ABLIM1: variants seen among roughly 807,000 people sequenced by gnomAD.
ABLIM1 encodes the protein actin binding LIM protein 1.
A neutral mutation model predicts 107.0 loss-of-function variants in ABLIM1; 40 were observed. The observed-to-expected ratio is 0.37, with a 90% confidence interval of 0.29 to 0.49. ABLIM1 has a LOEUF of 0.49. ABLIM1 is among the 20% of genes least tolerant of loss of function. The pLI is 0.97. For missense variants in ABLIM1, 857 were observed against 1,008.5 expected (o/e 0.85, Z 2.04); for synonymous variants, 357 against 357.3 (o/e 1.00, Z 0.01).
At chr10:114,474,040 A>G in intron 8 of ABLIM1, 84 bp from the exon 9 acceptor site, 2 of 1,005,642 alleles carry the variant, frequency 2.0e-6, no homozygotes, top group Non-Finnish European at 3.0e-6. Flanking sequence ...TTTACTAAAA[A>G]CTCAGCTAGT....
chr10:114,549,595 CA>C (rs1420663304), intron 4 of ABLIM1, among the ~76,000 whole-genome samples: 4 of 151,854 alleles, frequency 2.6e-5, no homozygotes, highest in Admixed American at 2.6e-4. Context: ...CCTTGAGATC[CA>C]GTAATTATTT....
chr10:114,575,301 G>A, intron 3 of ABLIM1, 115 bp downstream of exon 3: 1 of 1,171,760 alleles, frequency 8.5e-7, no homozygotes, highest in Non-Finnish European at 1.2e-6. Flanking sequence ...AGAAATCTAA[G>A]GATAAGAGTA....
At chr10:114,582,015 G>C (rs1455813132) in intron 2 of ABLIM1, among the ~76,000 whole-genome samples, 2 of 152,070 alleles carry the variant, frequency 1.3e-5, no homozygotes, top group African/African-American at 4.8e-5. Flanking sequence ...GTCCTAGCCA[G>C]AGCAATTAGG....
In ABLIM1 at chr10:114,432,646, T is replaced by G. The variant is rs561944819; in HGVS notation, c.*3614A>C. ...TAGACGTCTCCGAGTTAGAGTTGAT[T>G]GATATACTGGATTGGGATGGAGAGG... On this transcript the variant is annotated 3_prime_UTR_variant, in exon 23 of 23. Transcript: ENST00000533213. The G allele has an allele frequency of 6.6e-6, 1 of 152,300 alleles. No homozygotes were observed. Among genetic ancestry groups the G allele is most frequent in the South Asian group, 2.1e-4 (1 of 4,828 alleles). 9.4% of individuals were successfully genotyped at this position (152,300 alleles called of 1,614,324 possible).
chr10:114,452,890 C>T (rs2062115330), intron 13 of ABLIM1, among the ~76,000 whole-genome samples: 1 of 152,158 alleles, frequency 6.6e-6, no homozygotes, highest in Non-Finnish European at 1.5e-5. Context: ...GCAGAAAGAC[C>T]AACCAATTCA....
intron 6 of ABLIM1, among the ~76,000 whole-genome samples, chr10:114,541,606 G>C (rs2066666481): frequency 6.6e-6 from 1 of 152,180 alleles, no homozygotes; most frequent in Non-Finnish European, 1.5e-5. Context: ...GCCCATCTAA[G>C]GACTACGTCT....
chr10:114,484,518 G>A (rs2057888651), intron 8 of ABLIM1, among the ~76,000 whole-genome samples: 2 of 152,160 alleles, frequency 1.3e-5, no homozygotes, highest in South Asian at 4.1e-4. Context: ...AAGTAGCTGG[G>A]ATTACAGGCG....
the ABLIM1 span, among the ~76,000 whole-genome samples, chr10:114,788,730 A>AAAAC: frequency 0.025 from 3,831 of 151,990 alleles, 80 homozygotes; most frequent in Middle Eastern, 0.048. Context: ...TCCGTCTCAA[A>AAAAC]AAACAAACAA....
rs200125349 is a variant in ABLIM1, at chr10:114,707,928, C to CAA, written c.-213+60131_-213+60132dup. Among the ~76,000 whole-genome samples the CAA allele has an allele frequency of 4.0e-5, 6 of 149,338 alleles. No individual in the cohort carries two copies. Among genetic ancestry groups the CAA allele is most frequent in the Non-Finnish European group, 7.4e-5 (5 of 67,848 alleles). On this transcript the variant is annotated intron_variant, in intron 1 of 15. Transcript: ENST00000651092. This position sits in a 1 kb window ranked among gnomAD's most constrained non-coding sequence, Gnocchi z 4.1. Reference sequence around the variant, plus strand: ...AAACAAACAAACAAACAAACAACAACAACAACAAAAAACCTAATTACCAAC... The same window carrying CAA: ...AAACAAACAAACAAACAAACAACAACAAAACAACAAAAAACCTAATTACCAAC...
intron 6 of ABLIM1, among the ~76,000 whole-genome samples, chr10:114,521,568 C>A (rs908553265): frequency 2.0e-5 from 3 of 152,132 alleles, no homozygotes; most frequent in Non-Finnish European, 2.9e-5. Flanking sequence ...TCCAAGGCTA[C>A]TGTCTTGGGG....
chr10:114,753,536 G>A (rs1280966070), intron 1 of ABLIM1, among the ~76,000 whole-genome samples: 1 of 152,198 alleles, frequency 6.6e-6, no homozygotes, highest in African/African-American at 2.4e-5. Flanking sequence ...CATGAGCAAT[G>A]TCTGTACATA....
At chr10:114,720,421 T>C (rs1232707510) in intron 1 of ABLIM1, among the ~76,000 whole-genome samples, 1 of 152,246 alleles carries the variant, frequency 6.6e-6, no homozygotes, top group Non-Finnish European at 1.5e-5. Context: ...ATGGTATTTC[T>C]GGTTCTAGGT....
At chr10:114,748,759 C>A (rs2082443139) in intron 1 of ABLIM1, among the ~76,000 whole-genome samples, 1 of 151,408 alleles carries the variant, frequency 6.6e-6, no homozygotes, top group South Asian at 2.1e-4. Context: ...TAGGCTCTAG[C>A]AACCCTCCTG....
At chr10:114,573,051 G>C (rs1319231657) in intron 3 of ABLIM1, among the ~76,000 whole-genome samples, 1 of 152,214 alleles carries the variant, frequency 6.6e-6, no homozygotes, top group Non-Finnish European at 1.5e-5. Context: ...CCAGAATCCA[G>C]TTCTCAACTT....
chr10:114,776,272 C>T, the ABLIM1 span: 1 of 151,782 alleles, frequency 6.6e-6, no homozygotes, highest in Non-Finnish European at 1.5e-5. Flanking sequence ...TGCAGCTGCC[C>T]TTACTGTTGT....
intron 8 of ABLIM1, among the ~76,000 whole-genome samples, chr10:114,483,568 T>A (rs1352943332): frequency 1.3e-5 from 2 of 152,218 alleles, no homozygotes; most frequent in Admixed American, 6.5e-5. Context: ...TGAGCCACCA[T>A]GTCCAGCCCA....
At chr10:114,703,888 C>CA (rs2081354160) in intron 1 of ABLIM1, among the ~76,000 whole-genome samples, 1 of 152,150 alleles carries the variant, frequency 6.6e-6, no homozygotes, top group African/African-American at 2.4e-5. Context: ...TCACGTTTCT[C>CA]ACTACACGTG....
chr10:114,697,383 G>T lies in ABLIM1; in HGVS notation c.-213+70678C>A, dbSNP rs551658077. Among the ~76,000 whole-genome samples, 9 of 152,370 alleles carry T rather than the reference G, an allele frequency of 5.9e-5. No individual in the cohort carries two copies. In the South Asian group the frequency reaches 1.9e-3, roughly 32 times the overall value. On this transcript the variant is annotated intron_variant, in intron 1 of 15. Coordinates refer to the ABLIM1 transcript ENST00000651092. The stretch of plus-strand genomic sequence containing the variant: ...GGCTTCTCCTGCCCTGGGGCAAGTG[G>T]TGATCAGCCCTCAGGAGCTGGCACG...
rs778681393 is a variant in ABLIM1 at position 114,658,105 on chromosome 10, C to T, written c.96G>A (p.Ser32=). ...TSSERTSARG[S]NRKRLIVEDR... ...CCTCAACAATCAGTCTCTTTCTGTT[C>T]GAGCCCCTGGCACTGGTTCTCTCAG... The change falls in exon 1 of 23, where the codon TCG becomes TCA. Residue 32 remains serine (S), a synonymous_variant. Transcript: ENST00000533213. The T allele has an allele frequency of 7.4e-6, 12 of 1,614,054 alleles. No individual in the cohort carries two copies. In the African/African-American group the frequency reaches 8.0e-5, roughly 11 times the overall value.
Sources: allele counts gnomAD v4.1 joint callset (sites outside exome capture counted in the v4.1 genomes callset), GRCh38; gene constraint gnomAD v4.1.1; non-coding constraint Gnocchi (gnomAD v3.1); transcripts MANE v1.5; gene names NCBI Gene and HGNC (gene_info 2026-07-23, HGNC 2026-07-21).